The following CHIC2 variants were observed in gnomAD, a reference collection of about 807,000 sequenced individuals.
The protein encoded by CHIC2 is cysteine rich hydrophobic domain 2, also known as cysteine-rich hydrophobic domain-containing protein 2.
In CHIC2, 14 loss-of-function variants were observed where a neutral mutation model predicts 25.9. The ratio of observed to expected loss-of-function variants is 0.54; its 90% CI spans 0.36 to 0.85. CHIC2 has a LOEUF of 0.85. Ranked by LOEUF, CHIC2 falls within the 40% of genes least tolerant of loss-of-function variation. The probability of loss-of-function intolerance (pLI) is 0.01; values close to 1 mark genes in which losing one functional copy is unlikely to be tolerated. For synonymous variants in CHIC2, 70 were observed against 72.0 expected, an observed-to-expected ratio of 0.97 and a Z score of 0.14; for missense variants, 146 against 202.0, an observed-to-expected ratio of 0.72 and a Z score of 1.68.
intron 1 of CHIC2, chr4:54,059,567 AG>A (rs555949014): frequency 6.6e-6 from 1 of 150,850 alleles, no homozygotes; most frequent in South Asian, 2.1e-4. Context: ...AAATCTCTGG[AG>A]AAAAAAAAAA....
At chr4:54,043,646 G>A (rs188042360) in intron 3 of CHIC2, among the ~76,000 whole-genome samples, 117 of 152,170 alleles carry the variant, frequency 7.7e-4, no homozygotes, top group Middle Eastern at 3.4e-3. Context: ...AAGAGCTCCC[G>A]AAGGAAGCAC....
intron 3 of CHIC2, among the ~76,000 whole-genome samples, chr4:54,024,965 G>T (rs1716013002): frequency 6.6e-6 from 1 of 151,974 alleles, no homozygotes; most frequent in Admixed American, 6.6e-5. Context: ...TCCCACTCTA[G>T]GTTCCCACGC....
chr4:54,064,667 G>A (rs1383216892), upstream of CHIC2: 7 of 1,037,580 alleles, frequency 6.7e-6, no homozygotes, highest in African/African-American at 3.4e-5. This position sits in a 1 kb window ranked among gnomAD's most constrained non-coding sequence, Gnocchi z 4.2. Context: ...GAGACTTCCC[G>A]GGCCAACGGG....
At chr4:54,070,857 C>A in the CHIC2 span, among the ~76,000 whole-genome samples, 1 of 152,148 alleles carries the variant, frequency 6.6e-6, no homozygotes, top group African/African-American at 2.4e-5. Flanking sequence ...TAAATCATAT[C>A]CCCTCCATCC....
At chr4:54,076,564 A>T in the CHIC2 span, 1 of 152,252 alleles carries the variant, frequency 6.6e-6, no homozygotes, top group Non-Finnish European at 1.5e-5. Context: ...GATATTTAAG[A>T]AACTGGGCAT....
intron 5 of CHIC2, 146 bp downstream of exon 5, chr4:54,013,691 G>T: frequency 1.5e-6 from 1 of 674,762 alleles, no homozygotes; most frequent in Non-Finnish European, 2.6e-6. Flanking sequence ...ATGAAACCAT[G>T]CATCTGTGAA....
chr4:54,060,520 C>G (rs1717299100), intron 1 of CHIC2: 1 of 152,028 alleles, frequency 6.6e-6, no homozygotes, highest in African/African-American at 2.4e-5. Context: ...GATTCTGATA[C>G]AAGAAGGGTA....
intron 3 of CHIC2, among the ~76,000 whole-genome samples, chr4:54,036,423 AT>A (rs1443640719): frequency 6.6e-6 from 1 of 152,198 alleles, no homozygotes; most frequent in Non-Finnish European, 1.5e-5. Flanking sequence ...GCTTATAATA[AT>A]GGTGGAAGAT....
intron 3 of CHIC2, among the ~76,000 whole-genome samples, chr4:54,021,089 T>G (rs1159914990): frequency 6.6e-6 from 1 of 151,668 alleles, no homozygotes; most frequent in East Asian, 1.9e-4. Flanking sequence ...TTCTTCTCCC[T>G]TAGCCTGTGT....
rs141960305 is a variant in CHIC2, at chr4:54,036,577, G to A, written c.330+12378C>T. Reference sequence around the variant, plus strand: ...CCCCCATGATCCAATCACCTTCCACGAGGCCCTACCTCCAACACTGGGGAT... The same window carrying A: ...CCCCCATGATCCAATCACCTTCCACAAGGCCCTACCTCCAACACTGGGGAT... On this transcript the variant is annotated intron_variant, in intron 3 of 5. Coordinates refer to ENST00000263921, the MANE Select transcript of CHIC2 (RefSeq NM_012110.4). Among the ~76,000 whole-genome samples, 642 of 152,164 alleles carry A rather than the reference G, an allele frequency of 4.2e-3. 5 individuals carry two copies. The highest frequency in any genetic ancestry group is 0.014 in the African/African-American group (582 of 41,500).
intron 3 of CHIC2, among the ~76,000 whole-genome samples, chr4:54,015,281 G>T (rs559223211): frequency 1.3e-5 from 2 of 152,058 alleles, no homozygotes; most frequent in Admixed American, 6.5e-5. Context: ...ACTTCCCTGG[G>T]TAATAATATG....
At chr4:54,077,776 T>C in the CHIC2 span, among the ~76,000 whole-genome samples, 1 of 152,206 alleles carries the variant, frequency 6.6e-6, no homozygotes, top group Non-Finnish European at 1.5e-5. Flanking sequence ...TTCATTTCTA[T>C]AGCAGCCCTC....
chr4:54,037,436 A>C (rs538792374), intron 3 of CHIC2, among the ~76,000 whole-genome samples: 1 of 152,320 alleles, frequency 6.6e-6, no homozygotes, highest in Admixed American at 6.5e-5. Flanking sequence ...CTCTAGAAAA[A>C]GCAAATTAAT....
At chr4:54,064,791 C>G, upstream of CHIC2, 1 of 370,798 alleles carries the variant, frequency 2.7e-6, no homozygotes, top group Non-Finnish European at 3.7e-6. This position sits in a 1 kb window ranked among gnomAD's most constrained non-coding sequence, Gnocchi z 4.2. Flanking sequence ...TGCTTCTACC[C>G]GCAGACGGCG....
chr4:54,079,525 G>T, the CHIC2 span, among the ~76,000 whole-genome samples: 5 of 152,076 alleles, frequency 3.3e-5, no homozygotes, highest in Admixed American at 3.3e-4. Flanking sequence ...TATCAGAGAA[G>T]GGGTTAGTAT....
At chr4:54,031,349 C>A (rs1716222991) in intron 3 of CHIC2, among the ~76,000 whole-genome samples, 1 of 151,992 alleles carries the variant, frequency 6.6e-6, no homozygotes, top group African/African-American at 2.4e-5. Flanking sequence ...AGGGAATCTT[C>A]TTCTTATTAG....
At chr4:54,019,253 A>AC (rs397703870) in intron 3 of CHIC2, among the ~76,000 whole-genome samples, 23 of 151,942 alleles carry the variant, frequency 1.5e-4, no homozygotes, top group Non-Finnish European at 2.1e-4. Flanking sequence ...ACAAAAAAAA[A>AC]CTAGAATATG....
the CHIC2 span, among the ~76,000 whole-genome samples, chr4:54,084,000 C>T: frequency 0.013 from 2,035 of 152,268 alleles, 40 homozygotes; most frequent in African/African-American, 0.044. Flanking sequence ...TCTTCTCCTG[C>T]TGTTGTTTTT....
chr4:54,010,425 A>G (rs986260199), intron 5 of CHIC2, among the ~76,000 whole-genome samples: 1 of 152,066 alleles, frequency 6.6e-6, no homozygotes, highest in Non-Finnish European at 1.5e-5. Flanking sequence ...GGTGATATAG[A>G]TAGTGCCCCT....
Sources: gnomAD v4.1 joint callset for allele counts (sites outside exome capture counted in the v4.1 genomes callset) on GRCh38, gnomAD v4.1.1 for gene constraint, Gnocchi (gnomAD v3.1) non-coding constraint, MANE v1.5 for transcripts, NCBI Gene and HGNC (gene_info 2026-07-23, HGNC 2026-07-21) for gene names.